The following TENM2 variants were observed in gnomAD, a reference collection of about 807,000 sequenced individuals.
TENM2 encodes teneurin transmembrane protein 2.
In TENM2, 52 loss-of-function variants were observed where a neutral mutation model predicts 245.2. The observed-to-expected ratio is 0.21, with a 90% confidence interval of 0.17 to 0.27. The LOEUF (loss-of-function observed/expected upper bound fraction) is 0.27. Ranked by LOEUF, TENM2 falls within the 10% of genes least tolerant of loss-of-function variation. The pLI is 1.00. For missense variants in TENM2, 3,046 were observed against 3,666.8 expected, an observed-to-expected ratio of 0.83 and a Z score of 4.37; for synonymous variants, 1,363 against 1,438.9, an observed-to-expected ratio of 0.95 and a Z score of 1.19.
At chr5:167,310,625 A>G (rs1426321177) in intron 1 of TENM2, among the ~76,000 whole-genome samples, 1 of 152,012 alleles carries the variant, frequency 6.6e-6, no homozygotes, top group African/African-American at 2.4e-5. Context: ...AAATAAAACA[A>G]AAACAAAAAA....
intron 2 of TENM2, among the ~76,000 whole-genome samples, chr5:167,860,351 C>G (rs1190766021): frequency 1.1e-5 from 1 of 92,712 alleles, no homozygotes; most frequent in Non-Finnish European, 2.1e-5. Flanking sequence ...CCAGCCGCCC[C>G]GTCCGGGAGG....
At position 168,036,687 on chromosome 5, in the gene TENM2, A is replaced by G. The variant is rs1194471394; in HGVS notation, c.1187-10740A>G. On this transcript the variant is annotated intron_variant, in intron 5 of 28. Coordinates refer to ENST00000518659, the Ensembl canonical transcript of TENM2. ...ATAATATATGTATGTGTATATATATATATATATATATATGTATGTGTATAT... is the reference window on the plus strand; with the variant it reads ...ATAATATATGTATGTGTATATATATGTATATATATATATGTATGTGTATAT... Among the ~76,000 whole-genome samples, 3 of 118,068 alleles carry G rather than the reference A, an allele frequency of 2.5e-5. No individual in the cohort carries two copies. The Admixed American group carries it at 2.6e-4, about 10-fold the overall frequency. The allele number at this position is 118,068 out of a possible 152,430, so 77.5% of individuals were successfully genotyped here.
chr5:167,699,007 T>A (rs915721039), intron 2 of TENM2, among the ~76,000 whole-genome samples: 3 of 152,108 alleles, frequency 2.0e-5, no homozygotes, highest in Admixed American at 2.0e-4. Context: ...AAAGAAATAA[T>A]GAAGTTCCTT....
At chr5:167,574,502 T>G (rs1774506573) in intron 2 of TENM2, among the ~76,000 whole-genome samples, 1 of 152,092 alleles carries the variant, frequency 6.6e-6, no homozygotes, top group Non-Finnish European at 1.5e-5. Context: ...GCTACTGGGG[T>G]TTGTTTGGCT....
chr5:167,626,676 A>G (rs958230491), intron 2 of TENM2, among the ~76,000 whole-genome samples: 2 of 152,300 alleles, frequency 1.3e-5, no homozygotes, highest in African/African-American at 4.8e-5. Flanking sequence ...AGTTGGAACA[A>G]CTGCTATACA....
At chr5:168,261,455 C>G (rs924079011) in intron 28 of TENM2, among the ~76,000 whole-genome samples, 2 of 152,216 alleles carry the variant, frequency 1.3e-5, no homozygotes, top group Non-Finnish European at 2.9e-5. Context: ...CTCAGTAGTT[C>G]TGGAGTGAGG....
chr5:167,745,285 T>C (rs1180133111), intron 2 of TENM2, among the ~76,000 whole-genome samples: 1 of 152,208 alleles, frequency 6.6e-6, no homozygotes, highest in Non-Finnish European at 1.5e-5. Flanking sequence ...CCATCCTCTA[T>C]AATTCTGGCT....
the TENM2 span, among the ~76,000 whole-genome samples, chr5:167,054,295 T>C: frequency 2.0e-5 from 3 of 152,228 alleles, no homozygotes; most frequent in Non-Finnish European, 1.5e-5. Flanking sequence ...CCATATGTGC[T>C]GTTAAAGATG....
chr5:168,177,533 G>T (rs1488069939), intron 13 of TENM2, among the ~76,000 whole-genome samples: 3 of 152,194 alleles, frequency 2.0e-5, no homozygotes, highest in Non-Finnish European at 4.4e-5. Context: ...ACACCATAGA[G>T]TAGATGCGAA....
chr5:167,180,687 T>C, the TENM2 span, among the ~76,000 whole-genome samples: 1 of 152,126 alleles, frequency 6.6e-6, no homozygotes, highest in African/African-American at 2.4e-5. Context: ...ATATGTGTTA[T>C]ATACTGCATT....
At chr5:167,304,506 T>C (rs1313754321) in intron 1 of TENM2, among the ~76,000 whole-genome samples, 1 of 152,238 alleles carries the variant, frequency 6.6e-6, no homozygotes, top group Non-Finnish European at 1.5e-5. Flanking sequence ...AGATGTGTAG[T>C]GCAGGACTTC....
intron 2 of TENM2, among the ~76,000 whole-genome samples, chr5:167,460,642 C>G (rs1359366749): frequency 6.6e-6 from 1 of 151,362 alleles, no homozygotes; most frequent in East Asian, 1.9e-4. Context: ...ATACCACAGA[C>G]AACCACAGTT....
chr5:167,279,751 A>G, the TENM2 span, among the ~76,000 whole-genome samples: 5 of 151,798 alleles, frequency 3.3e-5, no homozygotes, highest in East Asian at 9.7e-4. Context: ...TACATCTTCT[A>G]TTTGGTTCCT....
At chr5:167,244,509 AGAAATATAGCTG>A in the TENM2 span, among the ~76,000 whole-genome samples, 15 of 152,344 alleles carry the variant, frequency 9.8e-5, no homozygotes, top group Admixed American at 2.6e-4. Context: ...TATTTGTCCC[AGAAATATAGCTG>A]TGTTCCTGAA....
intron 13 of TENM2, chr5:168,186,154 CA>C (rs1027382640): frequency 1.3e-5 from 2 of 152,044 alleles, no homozygotes; most frequent in African/African-American, 4.8e-5. Flanking sequence ...AGACGAGCTT[CA>C]AACCCAAATC....
Position 168,170,228 on chromosome 5 carries a change from G to A in TENM2, c.2569+7471G>A, listed in dbSNP as rs111346685. Among the ~76,000 whole-genome samples, 1,197 of 152,276 alleles carry A rather than the reference G, an allele frequency of 7.9e-3. 22 individuals are homozygous for A. The highest frequency in any genetic ancestry group is 0.027 in the African/African-American group (1,115 of 41,536). ...TTAGAAAAAAGATAGAACCAGCTGC[G>A]CACGGTGGCTCACACCTGTAATCCC... On this transcript the variant is annotated intron_variant, in intron 13 of 28. Transcript: ENST00000518659.
At chr5:167,419,425 C>A (rs1763360527) in intron 2 of TENM2, among the ~76,000 whole-genome samples, 1 of 152,136 alleles carries the variant, frequency 6.6e-6, no homozygotes, top group Non-Finnish European at 1.5e-5. Context: ...GGTGCCACCG[C>A]ACTCCAGCCT....
At chr5:168,104,685 AAGACATCCTTGC>A (rs1374232667) in intron 9 of TENM2, among the ~76,000 whole-genome samples, 4 of 152,232 alleles carry the variant, frequency 2.6e-5, no homozygotes, top group Admixed American at 1.3e-4. Context: ...CAGGCATCTG[AAGACATCCTTGC>A]AGTGAATGGA....
intron 28 of TENM2, among the ~76,000 whole-genome samples, chr5:168,261,295 C>A (rs971680268): frequency 1.3e-5 from 2 of 152,182 alleles, no homozygotes. Flanking sequence ...TCATCCCCTG[C>A]AGAACCAGGG....
Sources: allele counts gnomAD v4.1 joint callset (sites outside exome capture counted in the v4.1 genomes callset), GRCh38; gene constraint gnomAD v4.1.1; transcripts MANE v1.5; gene names NCBI Gene and HGNC (gene_info 2026-07-23, HGNC 2026-07-21).